Variants in ERG observed in about 807,000 individuals in gnomAD.
The protein encoded by ERG is transcriptional regulator ERG.
ERG carries 9 observed loss-of-function variants against 55.3 expected under a neutral mutation model. The ratio of observed to expected loss-of-function variants is 0.16; its 90% CI spans 0.10 to 0.28. The LOEUF is 0.28. Among genes scored for constraint, ERG ranks in the 10% least tolerant of loss-of-function variants. The pLI is 1.00. For missense variants in ERG, 434 were observed against 631.6 expected (o/e 0.69, Z 3.35); for synonymous variants, 223 against 237.3 (o/e 0.94, Z 0.55).
intron 2 of ERG, among the ~76,000 whole-genome samples, chr21:38,540,323 G>A (rs764872953): frequency 3.9e-5 from 6 of 152,156 alleles, no homozygotes; most frequent in Non-Finnish European, 8.8e-5. Flanking sequence ...CAACACCTCT[G>A]TCTAGTTCCA....
chr21:38,524,474 T>A (rs774306501), intron 2 of ERG, among the ~76,000 whole-genome samples: 4 of 152,202 alleles, frequency 2.6e-5, no homozygotes, highest in Non-Finnish European at 4.4e-5. Context: ...TAAAGCTAAA[T>A]TATCTATCTG....
intron 1 of ERG, among the ~76,000 whole-genome samples, chr21:38,581,810 G>T (rs61506512): frequency 0.093 from 14,140 of 152,184 alleles, 792 homozygotes; most frequent in Admixed American, 0.17. Context: ...TTGGGAGGCC[G>T]AGGAGGGTGG....
chr21:38,480,559 A>T (rs2146647775), intron 1 of ERG, among the ~76,000 whole-genome samples: 1 of 127,872 alleles, frequency 7.8e-6, no homozygotes, highest in Non-Finnish European at 1.7e-5. Flanking sequence ...TGTTTTTAAC[A>T]AAAATTTTGC....
chr21:38,577,113 T>C (rs2059999329), intron 1 of ERG, among the ~76,000 whole-genome samples: 1 of 152,206 alleles, frequency 6.6e-6, no homozygotes. Context: ...AACAATATGA[T>C]TACAGAACTT....
chr21:38,551,009 A>G (rs760197769), intron 2 of ERG, among the ~76,000 whole-genome samples: 1 of 152,256 alleles, frequency 6.6e-6, no homozygotes, highest in Non-Finnish European at 1.5e-5. Context: ...TAAGTTATTC[A>G]ATAGCAACAG....
chr21:38,368,961 G>T, the ERG span, among the ~76,000 whole-genome samples: 1 of 152,152 alleles, frequency 6.6e-6, no homozygotes, highest in Non-Finnish European at 1.5e-5. Flanking sequence ...TCTTTTTATG[G>T]TTACATAGAA....
At chr21:38,482,208 C>T (rs1038279594) in intron 1 of ERG, among the ~76,000 whole-genome samples, 10 of 152,082 alleles carry the variant, frequency 6.6e-5, no homozygotes, top group African/African-American at 1.7e-4. Context: ...AGGGAAAGGA[C>T]GTGGATAGAC....
downstream of ERG, among the ~76,000 whole-genome samples, chr21:38,378,941 A>G (rs372770836): frequency 1.1e-4 from 16 of 152,326 alleles, no homozygotes; most frequent in African/African-American, 2.6e-4. Flanking sequence ...AGTGTACCGT[A>G]GGGGCAGTTG....
intron 1 of ERG, among the ~76,000 whole-genome samples, chr21:38,659,116 T>G (rs1237565082): frequency 1.3e-5 from 2 of 152,224 alleles, no homozygotes; most frequent in Non-Finnish European, 2.9e-5. Flanking sequence ...TTGAGACGGA[T>G]TACCCATTTG....
chr21:38,434,472 C>T (rs1990366893), intron 2 of ERG, among the ~76,000 whole-genome samples: 2 of 152,320 alleles, frequency 1.3e-5, no homozygotes, highest in Non-Finnish European at 1.5e-5. Context: ...TCCTGGGCCG[C>T]CAGAGAGGAA....
chr21:38,576,516 AG>A (rs1301018418), intron 1 of ERG, among the ~76,000 whole-genome samples: 1 of 152,216 alleles, frequency 6.6e-6, no homozygotes, highest in Non-Finnish European at 1.5e-5. Flanking sequence ...TTAAATTTAA[AG>A]ATGCCTATAA....
chr21:38,565,081 C>G (rs2836516), intron 2 of ERG, among the ~76,000 whole-genome samples: 95,149 of 152,006 alleles, frequency 0.63, 30,957 homozygotes, highest in Middle Eastern at 0.73. Flanking sequence ...ATCATATACC[C>G]AGTTACAAAC....
chr21:38,484,002 T>C (rs1044621660), intron 1 of ERG, among the ~76,000 whole-genome samples: 2 of 152,192 alleles, frequency 1.3e-5, no homozygotes, highest in Non-Finnish European at 2.9e-5. Context: ...AAATGGACAT[T>C]TACTGATAGC....
chr21:38,376,766 C>G (rs1191023572), downstream of ERG, among the ~76,000 whole-genome samples: 1 of 152,256 alleles, frequency 6.6e-6, no homozygotes, highest in East Asian at 1.9e-4. Context: ...CTCGCCTCCA[C>G]CAGGTTATGG....
Position 38,556,113 on chromosome 21 carries a change from T to C in ERG, c.-41+19549A>G, listed in dbSNP as rs555261068. On this transcript the variant is annotated intron_variant, in intron 2 of 8. Coordinates refer to the ERG transcript ENST00000398897. ...TGAAATTGCATAGGTCACTAAACAG[T>C]TTCTAGGGACATGGAAAAAAAAATG... Among the ~76,000 whole-genome samples the C allele has an allele frequency of 2.0e-5, 3 of 152,160 alleles. No individual in the cohort carries two copies. The East Asian group carries it at 5.8e-4, about 29-fold the overall frequency.
In ERG at chr21:38,603,864, G is replaced by T. The variant is rs2060179787; in HGVS notation, c.-149-18919C>A. The stretch of plus-strand genomic sequence containing the variant: ...GTGGAGGTTAAAGTGTCCTTTATTT[G>T]CTGAAATGCTGATGAAATTAGAGAA... On this transcript the variant is annotated intron_variant, in intron 1 of 10. Transcript: ENST00000398910. 1.3e-5 allele frequency among the ~76,000 whole-genome samples: 2 copies of T among 151,920 alleles called. 1 individual carries two copies. The highest frequency in any genetic ancestry group is 4.1e-4 in the South Asian group (2 of 4,826).
At chr21:38,377,323 T>TA (rs139773058), downstream of ERG, among the ~76,000 whole-genome samples, 234 of 152,332 alleles carry the variant, frequency 1.5e-3, 1 homozygote, top group South Asian at 2.9e-3. Context: ...TATCTGGAAT[T>TA]ACTTAGAACT....
chr21:38,443,574 T>C (rs969178692), intron 2 of ERG, among the ~76,000 whole-genome samples: 2 of 152,182 alleles, frequency 1.3e-5, no homozygotes, highest in African/African-American at 4.8e-5. Context: ...AGAACATGAT[T>C]ACCCTGCATT....
At chr21:38,635,873 G>A (rs1331129230) in intron 1 of ERG, among the ~76,000 whole-genome samples, 2 of 152,150 alleles carry the variant, frequency 1.3e-5, no homozygotes, top group Non-Finnish European at 2.9e-5. Context: ...TAGGGTCCCA[G>A]CTCTTGCAAT....
Sources: gnomAD v4.1 joint callset for allele counts (sites outside exome capture counted in the v4.1 genomes callset) on GRCh38, gnomAD v4.1.1 for gene constraint, MANE v1.5 for transcripts, NCBI Gene and HGNC (gene_info 2026-07-23, HGNC 2026-07-21) for gene names.